The following WDR64 variants were observed in gnomAD, a reference collection of about 807,000 sequenced individuals.
WDR64 encodes WD repeat domain 64.
In WDR64, 112 loss-of-function variants were observed where a neutral mutation model predicts 139.3. The ratio of observed to expected loss-of-function variants is 0.80; its 90% CI spans 0.69 to 0.94. WDR64 has a LOEUF of 0.94. Among genes scored for constraint, WDR64 ranks in the 40% least tolerant of loss-of-function variants. The pLI is 0.00. For synonymous variants in WDR64, 444 were observed against 437.7 expected (o/e 1.01, Z -0.18); for missense variants, 1,206 against 1,293.1 (o/e 0.93, Z 1.03).
intron 2 of WDR64, among the ~76,000 whole-genome samples, chr1:241,661,287 T>C (rs1363021418): frequency 6.6e-6 from 1 of 151,842 alleles, no homozygotes; most frequent in Non-Finnish European, 1.5e-5. Context: ...GAAAAATACA[T>C]CTCTCTCAAA....
At chr1:241,759,604 G>T (rs540469476) in intron 15 of WDR64, among the ~76,000 whole-genome samples, 1 of 152,126 alleles carries the variant, frequency 6.6e-6, no homozygotes, top group South Asian at 2.1e-4. Flanking sequence ...TTAAGCAAAT[G>T]ATAGAATATT....
chr1:241,718,702 G>A (rs1668492274), intron 9 of WDR64, among the ~76,000 whole-genome samples: 1 of 152,130 alleles, frequency 6.6e-6, no homozygotes, highest in Non-Finnish European at 1.5e-5. Flanking sequence ...AAGCAGAAAG[G>A]TTTAAGCAAC....
At chr1:241,794,796 C>T (rs1462177705) in intron 25 of WDR64, among the ~76,000 whole-genome samples, 1 of 152,034 alleles carries the variant, frequency 6.6e-6, no homozygotes, top group Non-Finnish European at 1.5e-5. Flanking sequence ...CATGAGCCAC[C>T]GTGCCCGGCC....
Position 241,790,450 on chromosome 1 carries a change from A to G in WDR64, c.2892-141A>G. 7.9e-6 allele frequency: 5 copies of G among 630,574 alleles called. 1 individual carries two copies. In the South Asian group the frequency reaches 1.2e-4, roughly 15 times the overall value. 39.1% of individuals were successfully genotyped at this position (630,574 alleles called of 1,614,324 possible). A position where few individuals can be genotyped will look rare whatever the true frequency, so the allele number is the denominator to read the frequency against. On this transcript the variant is annotated intron_variant, in intron 24 of 27. Transcript: ENST00000437684. ...GGGAAACCAACTGGTATAAGAGTTG[A>G]GTGTAGAGATACTGTCATTGGGACT...
intron 27 of WDR64, among the ~76,000 whole-genome samples, chr1:241,796,919 CTTATCTAGACCT>C (rs1659384572): frequency 6.6e-6 from 1 of 152,130 alleles, no homozygotes; most frequent in African/African-American, 2.4e-5. Flanking sequence ...GCTAATGAAG[CTTATCTAGACCT>C]TTATGACTGA....
intron 1 of WDR64, among the ~76,000 whole-genome samples, chr1:241,658,638 C>CAAAAA (rs56278786): frequency 1.2e-5 from 1 of 83,774 alleles, no homozygotes. Context: ...GATCCTGTCT[C>CAAAAA]AAAAAAAAAA....
chr1:241,684,449 GGTAT>G (rs1301871410), intron 7 of WDR64, among the ~76,000 whole-genome samples: 1 of 152,028 alleles, frequency 6.6e-6, no homozygotes, highest in East Asian at 1.9e-4. Context: ...TTTTGAGAAA[GGTAT>G]GTATTACTTT....
At chr1:241,700,593 T>TAAGGGAGCACTTTGCTCACTTGCTTC (rs1221329664) in intron 8 of WDR64, among the ~76,000 whole-genome samples, 1 of 152,148 alleles carries the variant, frequency 6.6e-6, no homozygotes, top group Non-Finnish European at 1.5e-5. Flanking sequence ...TATAAGTGAG[T>TAAGGGAGCACTTTGCTCACTTGCTTC]AAGGGAGCAC....
At chr1:241,668,956 T>C (rs539215893) in intron 2 of WDR64, among the ~76,000 whole-genome samples, 4 of 152,180 alleles carry the variant, frequency 2.6e-5, no homozygotes, top group African/African-American at 9.6e-5. Flanking sequence ...GGCTGTGGTC[T>C]GGATTAACAT....
In WDR64 at chr1:241,703,593, C is replaced by T. The variant is rs1489365565; in HGVS notation, c.975-8209C>T. 6.6e-6 allele frequency among the ~76,000 whole-genome samples: 1 copy of T among 151,928 alleles called. No homozygotes were observed. The highest frequency in any genetic ancestry group is 1.5e-5 in the Non-Finnish European group (1 of 68,010). On this transcript the variant is annotated intron_variant, in intron 8 of 27. Coordinates refer to ENST00000437684, the MANE Select transcript of WDR64 (RefSeq NM_001367482.1). This position sits in a 1 kb window ranked among gnomAD's most constrained non-coding sequence, Gnocchi z 5.9. Reference sequence around the variant, plus strand: ...CAATACATTTCTATTCTGTGTGACTCCGGGAAGTGGTTATTGTTAATCAGG... The same window carrying T: ...CAATACATTTCTATTCTGTGTGACTTCGGGAAGTGGTTATTGTTAATCAGG...
intron 15 of WDR64, among the ~76,000 whole-genome samples, chr1:241,763,009 T>C (rs968551959): frequency 6.6e-6 from 1 of 152,194 alleles, no homozygotes; most frequent in Non-Finnish European, 1.5e-5. Context: ...AACGTTATCA[T>C]GTAATATGCA....
chr1:241,796,297 G>A lies in WDR64; in HGVS notation c.3119G>A (p.Gly1040Asp), dbSNP rs1477697758. ...PTSLRFLPLIGVEAQKDSSDG... is the reference protein window; with the variant it reads ...PTSLRFLPLIDVEAQKDSSDG... ...AGTCTAAGATTTCTTCCACTGATTG[G>A]CGTAGAAGCCCAAAAGGACTCTTCA... The change falls in exon 27 of 28, where the codon GGC becomes GAC. Residue 1040 changes from glycine (G) to aspartate (D), a missense_variant. Coordinates refer to ENST00000437684, the MANE Select transcript of WDR64 (RefSeq NM_001367482.1). 6.2e-7 allele frequency: 1 copy of A among 1,613,524 alleles called. No homozygotes were observed. The highest frequency in any genetic ancestry group is 8.5e-7 in the Non-Finnish European group (1 of 1,179,820).
intron 4 of WDR64, among the ~76,000 whole-genome samples, chr1:241,677,020 C>T (rs1666583734): frequency 6.6e-6 from 1 of 152,040 alleles, no homozygotes; most frequent in Admixed American, 6.6e-5. Flanking sequence ...CAAAGGTAGC[C>T]ATTAACAACT....
chr1:241,738,618 G>A, intron 11 of WDR64, 129 bp downstream of exon 11: 1 of 968,230 alleles, frequency 1.0e-6, no homozygotes, highest in Non-Finnish European at 1.4e-6. Flanking sequence ...CATGATTCGT[G>A]ACAGTAGATA....
intron 8 of WDR64, among the ~76,000 whole-genome samples, chr1:241,709,754 T>C (rs1668090113): frequency 6.6e-6 from 1 of 152,356 alleles, no homozygotes; most frequent in Non-Finnish European, 1.5e-5. Context: ...ACATACCTTT[T>C]GACTTGCAAT....
chr1:241,687,855 T>A (rs1435656900), intron 8 of WDR64, among the ~76,000 whole-genome samples: 1 of 152,138 alleles, frequency 6.6e-6, no homozygotes, highest in Non-Finnish European at 1.5e-5. Flanking sequence ...TCAATACGAG[T>A]GCATCTATAA....
intron 14 of WDR64, among the ~76,000 whole-genome samples, chr1:241,749,997 A>G (rs10926564): frequency 1.9e-4 from 29 of 152,030 alleles, no homozygotes; most frequent in African/African-American, 6.5e-4. Context: ...GGCTAAATTT[A>G]TACTCAGCTG....
rs2148261851 is a variant in WDR64 at position 241,749,597 on chromosome 1, C to T, written c.1645C>T (p.Pro549Ser). Residue 549 changes from proline (P) to serine (S), a missense_variant, in exon 14 of 28, where the codon CCG becomes TCG. By Grantham distance (74) the Pro-to-Ser change is moderately conservative. Coordinates refer to ENST00000437684, the MANE Select transcript of WDR64 (RefSeq NM_001367482.1). ...CAGTGGGCAGGAGATGAAGGTGTTG[C>T]CGGAGGGGAAAGACTGGAAGGAGGA... ...FGSGQEMKVL[P>S]EGKDWKEDEH... 1 of 1,614,000 alleles carries T rather than the reference C, an allele frequency of 6.2e-7. No homozygotes were observed. Among genetic ancestry groups the T allele is most frequent in the East Asian group, 2.2e-5 (1 of 44,860 alleles).
At chr1:241,695,621 A>C (rs867777534) in intron 8 of WDR64, among the ~76,000 whole-genome samples, 44 of 152,354 alleles carry the variant, frequency 2.9e-4, no homozygotes, top group African/African-American at 9.4e-4. Flanking sequence ...GATAAGAACA[A>C]GAAATCTTAC....
Sources: gnomAD v4.1 joint callset for allele counts (sites outside exome capture counted in the v4.1 genomes callset) on GRCh38, gnomAD v4.1.1 for gene constraint, Gnocchi (gnomAD v3.1) non-coding constraint, MANE v1.5 for transcripts, NCBI Gene and HGNC (gene_info 2026-07-23, HGNC 2026-07-21) for gene names.